Variants in CCDC68 observed in about 807,000 individuals in gnomAD.
CCDC68 encodes coiled-coil domain containing 68, also known as coiled-coil domain-containing protein 68.
CCDC68 carries 45 observed loss-of-function variants against 47.1 expected under a neutral mutation model. The observed-to-expected ratio is 0.96, with a 90% CI of 0.75 to 1.23. CCDC68 has a LOEUF of 1.23. CCDC68 is among the 50% of genes most tolerant of loss of function. CCDC68 has a pLI of 0.00. For synonymous variants in CCDC68, 131 were observed against 129.5 expected (o/e 1.01, Z -0.08); for missense variants, 353 against 373.6 (o/e 0.94, Z 0.45).
chr18:54,919,474 C>T, intron 8 of CCDC68, 98 bp from the exon 9 acceptor site: 1 of 979,812 alleles, frequency 1.0e-6, no homozygotes, highest in East Asian at 2.4e-5. Flanking sequence ...TCTACTGCTA[C>T]TGGGGATCAG....
chr18:54,928,693 C>T (rs2145486743), intron 8 of CCDC68, 107 bp downstream of exon 8: 1 of 699,400 alleles, frequency 1.4e-6, no homozygotes, highest in South Asian at 1.8e-5. Context: ...CACTGTCAGT[C>T]ATCCTATTTC....
chr18:54,923,924 G>C (rs1490602473), intron 8 of CCDC68, among the ~76,000 whole-genome samples: 1 of 151,898 alleles, frequency 6.6e-6, no homozygotes, highest in African/African-American at 2.4e-5. Context: ...TGTTGGCCAG[G>C]CTGACCTCAA....
chr18:54,931,224 G>C (rs2044254901), intron 7 of CCDC68, among the ~76,000 whole-genome samples: 1 of 152,138 alleles, frequency 6.6e-6, no homozygotes, highest in African/African-American at 2.4e-5. Context: ...GCCAGGCTCT[G>C]CCATCTAGCT....
Position 54,911,847 on chromosome 18 carries a change from GTTA to G in CCDC68, c.874-3988_874-3986del, listed in dbSNP as rs1914387813. 2.0e-5 allele frequency among the ~76,000 whole-genome samples: 3 copies of G among 152,264 alleles called. No homozygotes were observed. In the South Asian group the frequency reaches 6.2e-4, roughly 32 times the overall value. On this transcript the variant is annotated intron_variant, in intron 10 of 11. Transcript: ENST00000591504. ...TACCAAACAATACAAAAGCATAGGA[GTTA>G]TTATGTTAGACTCTCTTCAATTTAT...
intron 4 of CCDC68, 53 bp downstream of exon 4, chr18:54,940,944 T>C: frequency 7.5e-7 from 1 of 1,338,752 alleles, no homozygotes; most frequent in East Asian, 2.3e-5. Context: ...GCCCAAAAAT[T>C]ACTTTAAAAA....
intron 1 of CCDC68, among the ~76,000 whole-genome samples, chr18:54,953,551 T>TAGAGAG (rs35449564): frequency 0.073 from 11,027 of 150,514 alleles, 687 homozygotes; most frequent in African/African-American, 0.16. Context: ...TATATATATA[T>TAGAGAG]AGAGAGAGAG....
At chr18:54,922,987 C>CAAAAAAAAAAAAAA (rs1183607769) in intron 8 of CCDC68, among the ~76,000 whole-genome samples, 1 of 40,028 alleles carries the variant, frequency 2.5e-5, no homozygotes, top group African/African-American at 8.2e-5. Flanking sequence ...GACTCCGTCT[C>CAAAAAAAAAAAAAA]AAAAAAAAAA....
rs1321858650 is a variant in CCDC68 at position 54,903,052 on chromosome 18, A to G, written c.*1306T>C. The G allele has an allele frequency of 6.6e-6, 1 of 152,246 alleles. No homozygotes were observed. Among genetic ancestry groups the G allele is most frequent in the Non-Finnish European group, 1.5e-5 (1 of 68,042 alleles). 9.4% of individuals were successfully genotyped at this position (152,246 alleles called of 1,614,324 possible). On this transcript the variant is annotated 3_prime_UTR_variant, in exon 12 of 12. Transcript: ENST00000591504. The stretch of plus-strand genomic sequence containing the variant: ...TGTTTCCAAAAATACCATGAAGCGT[A>G]AAACTCACACACAGTTACACAACAA...
intron 3 of CCDC68, 22 bp from the exon 4 acceptor site, chr18:54,941,105 A>G (rs199501978): frequency 6.4e-7 from 1 of 1,567,614 alleles, no homozygotes; most frequent in East Asian, 2.2e-5. Context: ...AAACAAAACC[A>G]TTTGTTTCAA....
Position 54,936,949 on chromosome 18 carries a change from A to G in CCDC68, c.355T>C (p.Ser119Pro), listed in dbSNP as rs764417329. The G allele has an allele frequency of 3.8e-5, 61 of 1,614,024 alleles. No homozygotes were observed. The highest frequency in any genetic ancestry group is 5.0e-5 in the Admixed American group (3 of 59,988). The change falls in exon 6 of 12, where the codon TCC becomes CCC. Residue 119 changes from serine (S) to proline (P), a missense_variant. Coordinates refer to ENST00000591504, the MANE Select transcript of CCDC68 (RefSeq NM_025214.3). Reference sequence around the variant, plus strand: ...AGAGCTGCTGCTCCTGCTTCTCTGGAGGCTTGCAGCTAGAAAAAAGGTCAC... The same window carrying G: ...AGAGCTGCTGCTCCTGCTTCTCTGGGGGCTTGCAGCTAGAAAAAAGGTCAC... ...NEVLKIKLQASREAGAAALRN... is the reference protein window; with the variant it reads ...NEVLKIKLQAPREAGAAALRN...
At position 54,934,928 on chromosome 18, in the gene CCDC68, T is replaced by C. The variant is rs760612374; in HGVS notation, c.492A>G (p.Glu164=). 8.5e-5 allele frequency: 136 copies of C among 1,593,084 alleles called. No homozygotes were observed. The highest frequency in any genetic ancestry group is 1.1e-4 in the Non-Finnish European group (133 of 1,172,006). The part of the protein sequence containing the change: ...QLLQVNKLEK[E]QKLKQHVENL... ...TTTCAACATGTTGTTTCAATTTCTG[T>C]TCTTTTTCAAGCTTGTTAACCTATG... Residue 164 remains glutamate, a synonymous_variant, in exon 7 of 12, where the codon GAA becomes GAG. Transcript: ENST00000591504.
rs892674196 is a variant in CCDC68, at chr18:54,901,917, A to G, written c.*2441T>C. 1 of 152,120 alleles carries G rather than the reference A, an allele frequency of 6.6e-6. No individual in the cohort carries two copies. The highest frequency in any genetic ancestry group is 6.5e-5 in the Admixed American group (1 of 15,276). 9.4% of individuals were successfully genotyped at this position (152,120 alleles called of 1,614,324 possible). ...TTTTTTTTCATAAAAAAATATTTCA[A>G]ATGATAATTTTATGATAGTGGATAT... On this transcript the variant is annotated 3_prime_UTR_variant, in exon 12 of 12. Transcript: ENST00000591504.
intron 3 of CCDC68, among the ~76,000 whole-genome samples, chr18:54,942,456 G>A (rs1275417210): frequency 6.6e-6 from 1 of 152,130 alleles, no homozygotes. Context: ...TTTACTGAGT[G>A]AGTAAAATCA....
At chr18:54,941,482 C>T (rs530207868) in intron 3 of CCDC68, among the ~76,000 whole-genome samples, 1 of 112,592 alleles carries the variant, frequency 8.9e-6, no homozygotes, top group Non-Finnish European at 2.1e-5. Flanking sequence ...TAATTACTAC[C>T]TAGTAATTAC....
intron 1 of CCDC68, among the ~76,000 whole-genome samples, chr18:54,950,131 C>G (rs2044589315): frequency 6.6e-6 from 1 of 152,212 alleles, no homozygotes; most frequent in African/African-American, 2.4e-5. Context: ...GTCAATTACT[C>G]TGGATTGCAA....
At position 54,902,964 on chromosome 18, in the gene CCDC68, A is replaced by G. The variant is rs988424116; in HGVS notation, c.*1394T>C. On this transcript the variant is annotated 3_prime_UTR_variant, in exon 12 of 12. Transcript: ENST00000591504. ...AAGTGCTTAGACTTGTTGCTGGTAT[A>G]AGGTAACTATGCCCTAAATGTTAAC... 9 of 152,338 alleles carry G rather than the reference A, an allele frequency of 5.9e-5. No individual in the cohort carries two copies. In the South Asian group the frequency reaches 1.9e-3, roughly 32 times the overall value. 9.4% of individuals were successfully genotyped at this position (152,338 alleles called of 1,614,324 possible). A position where few individuals can be genotyped will look rare whatever the true frequency, so the allele number is the denominator to read the frequency against.
chr18:54,907,146 T>C (rs1233520110), intron 11 of CCDC68, among the ~76,000 whole-genome samples: 1 of 152,226 alleles, frequency 6.6e-6, no homozygotes, highest in East Asian at 1.9e-4. Context: ...GATAATTTCA[T>C]GGGGTTTGTG....
At chr18:54,947,436 A>G (rs2044546011) in intron 1 of CCDC68, among the ~76,000 whole-genome samples, 2 of 152,168 alleles carry the variant, frequency 1.3e-5, no homozygotes, top group Non-Finnish European at 2.9e-5. Context: ...TTCTGTGAAG[A>G]AAGAAGGTTC....
At chr18:54,939,334 T>C (rs1209789345) in intron 4 of CCDC68, among the ~76,000 whole-genome samples, 16 of 152,118 alleles carry the variant, frequency 1.1e-4, no homozygotes. Context: ...GGTAGATGGC[T>C]ACAAAGATCA....
Sources: allele counts gnomAD v4.1 joint callset (sites outside exome capture counted in the v4.1 genomes callset), GRCh38; gene constraint gnomAD v4.1.1; transcripts MANE v1.5; gene names NCBI Gene and HGNC (gene_info 2026-07-23, HGNC 2026-07-21).